The following CTTNBP2 variants were observed in gnomAD, a reference collection of about 807,000 sequenced individuals.
CTTNBP2 encodes the protein cortactin binding protein 2.
Under a neutral mutation model 156.9 loss-of-function variants are expected in CTTNBP2, and 108 were observed. The observed-to-expected ratio is 0.69, with a 90% CI of 0.59 to 0.81. CTTNBP2 has a LOEUF of 0.81. CTTNBP2 is among the 30% of genes least tolerant of loss of function. CTTNBP2 has a pLI of 0.00. For missense variants in CTTNBP2, 1,924 were observed against 2,035.4 expected (o/e 0.95, Z 1.05); for synonymous variants, 767 against 751.8 (o/e 1.02, Z -0.33).
intron 12 of CTTNBP2, among the ~76,000 whole-genome samples, chr7:117,753,048 T>G (rs1351841239): frequency 1.3e-5 from 2 of 152,088 alleles, no homozygotes; most frequent in Admixed American, 1.3e-4. Flanking sequence ...CTACAAGGAA[T>G]TTAAACAAAT....
chr7:117,853,655 T>C (rs1485065077), intron 2 of CTTNBP2, among the ~76,000 whole-genome samples: 1 of 152,180 alleles, frequency 6.6e-6, no homozygotes, highest in Non-Finnish European at 1.5e-5. Context: ...ATCTTCATAG[T>C]ATACAAAAAT....
At chr7:117,775,485 G>A (rs1237404345) in intron 8 of CTTNBP2, among the ~76,000 whole-genome samples, 1 of 151,502 alleles carries the variant, frequency 6.6e-6, no homozygotes, top group African/African-American at 2.4e-5. Context: ...GCCCTACACT[G>A]AAGGGTAACT....
chr7:117,735,439 A>G lies in CTTNBP2; in HGVS notation c.3536-18T>C. ...CAGACAAGCTATAATAAAAAAGGAA[A>G]TTCAGTGATTCAAGCTTTTGACAAA... On this transcript the variant is annotated intron_variant, in intron 14 of 22. Transcript: ENST00000160373. 1 of 1,580,470 alleles carries G rather than the reference A, an allele frequency of 6.3e-7. No individual in the cohort carries two copies. Among genetic ancestry groups the G allele is most frequent in the Non-Finnish European group, 8.5e-7 (1 of 1,169,668 alleles).
At chr7:117,824,798 T>A (rs1371165723) in intron 2 of CTTNBP2, among the ~76,000 whole-genome samples, 1 of 152,238 alleles carries the variant, frequency 6.6e-6, no homozygotes, top group Non-Finnish European at 1.5e-5. Context: ...TTCTTCAAAT[T>A]GTAAGACACA....
intron 17 of CTTNBP2, among the ~76,000 whole-genome samples, chr7:117,727,715 A>G (rs984077682): frequency 1.3e-5 from 2 of 152,206 alleles, no homozygotes; most frequent in Non-Finnish European, 2.9e-5. Flanking sequence ...TAAGTACTGA[A>G]CATATGTCTC....
chr7:117,719,522 A>C lies in CTTNBP2; in HGVS notation c.4626T>G (p.Ser1542=). The C allele has an allele frequency of 6.2e-7, 1 of 1,613,934 alleles. No homozygotes were observed. Among genetic ancestry groups the C allele is most frequent in the Non-Finnish European group, 8.5e-7 (1 of 1,179,854 alleles). ...KELQSMCSSK[S]ESDISKIADS... is the part of the protein sequence containing the mutation. ...TGCTCACCTTGCTGATATCAGACTC[A>C]GACTTGCTGGAGCACATGCTCTGAA... The change falls in exon 21 of 23, where the codon TCT becomes TCG. Residue 1542 remains serine (S), a synonymous_variant. Coordinates refer to ENST00000160373, the MANE Select transcript of CTTNBP2 (RefSeq NM_033427.3).
intron 14 of CTTNBP2, among the ~76,000 whole-genome samples, chr7:117,740,185 GA>G (rs1795916998): frequency 6.6e-6 from 1 of 151,810 alleles, no homozygotes; most frequent in Non-Finnish European, 1.5e-5. Context: ...ATTTATGCTA[GA>G]ATAAGTGCTG....
rs1304862794 is a variant in CTTNBP2 at position 117,760,634 on chromosome 7, A to G, written c.2973T>C (p.Cys991=). 4 of 1,613,966 alleles carry G rather than the reference A, an allele frequency of 2.5e-6. No individual in the cohort carries two copies. Among genetic ancestry groups the G allele is most frequent in the Admixed American group, 1.7e-5 (1 of 60,004 alleles). Residue 991 remains cysteine, a synonymous_variant, in exon 10 of 23, where the codon TGT becomes TGC. Coordinates refer to ENST00000160373, the MANE Select transcript of CTTNBP2 (RefSeq NM_033427.3). ...TATTTAAAGCACATATTGTGTTTTC[A>G]CATTCCAAGTCATCAGAACCATAGT... is the stretch of plus-strand genomic sequence containing the variant. ...PSNYGSDDLE[C]ENTICALNIR...
intron 3 of CTTNBP2, among the ~76,000 whole-genome samples, chr7:117,794,893 T>TTTC (rs1799229342): frequency 1.5e-5 from 2 of 136,634 alleles, no homozygotes; most frequent in African/African-American, 5.6e-5. Flanking sequence ...TTTTTTTTTT[T>TTTC]TTTTTTTTTT....
intron 4 of CTTNBP2, among the ~76,000 whole-genome samples, chr7:117,787,163 C>T (rs1166520858): frequency 3.9e-5 from 6 of 152,034 alleles, no homozygotes; most frequent in Admixed American, 3.9e-4. Flanking sequence ...CTGAAATTCC[C>T]GACAATCATA....
Position 117,784,422 on chromosome 7 carries a change from T to A in CTTNBP2, c.2101A>T (p.Ser701Cys). Residue 701 changes from serine (S) to cysteine (C), a missense_variant, in exon 5 of 23, where the codon AGT becomes TGT. Physicochemically the swap from Ser to Cys is moderately radical, Grantham distance 112. Coordinates refer to ENST00000160373, the MANE Select transcript of CTTNBP2 (RefSeq NM_033427.3). ...CCAGCCAGGGGGGCAGGACCACCAC[T>A]CATTAGCAAAGGGGTTAGGGAGGGT... ...WSPSLTPLLM[S>C]GGPAPLAGRP... 1.2e-6 allele frequency: 2 copies of A among 1,608,742 alleles called. No homozygotes were observed. The highest frequency in any genetic ancestry group is 1.7e-6 in the Non-Finnish European group (2 of 1,178,352).
In CTTNBP2 at chr7:117,721,424, G is replaced by C. The variant is rs536999007; in HGVS notation, c.4448-294C>G. Among the ~76,000 whole-genome samples, 5 of 152,310 alleles carry C rather than the reference G, an allele frequency of 3.3e-5. No homozygotes were observed. In the South Asian group the frequency reaches 1.0e-3, roughly 32 times the overall value. On this transcript the variant is annotated intron_variant, in intron 19 of 22. Coordinates refer to ENST00000160373, the MANE Select transcript of CTTNBP2 (RefSeq NM_033427.3). ...ATCCTGAATTTCACTTTTATGGATG[G>C]CCGTTCTTCTCTTTAGTCAAGTCCC... is the stretch of plus-strand genomic sequence containing the variant.
chr7:117,795,492 T>C (rs960858999), intron 3 of CTTNBP2, among the ~76,000 whole-genome samples: 1 of 152,220 alleles, frequency 6.6e-6, no homozygotes, highest in African/African-American at 2.4e-5. Context: ...CCTTCATTTT[T>C]ACAAAACAAT....
In CTTNBP2 at chr7:117,718,093, C is replaced by T; in HGVS notation, c.4671G>A (p.Arg1557=). ...GGTTGTTTCCAGAACTATCAAACAT[C>T]CTTAAATCATCCCTGGAATCAGCAA... ...SKIADSRDDL[R]MFDSSGNNPV... Residue 1557 remains arginine, a synonymous_variant, in exon 22 of 23, where the codon AGG becomes AGA. Transcript: ENST00000160373. 6.2e-7 allele frequency: 1 copy of T among 1,612,688 alleles called. No individual in the cohort carries two copies.
chr7:117,839,584 T>C (rs1199373441), intron 2 of CTTNBP2, among the ~76,000 whole-genome samples: 2 of 152,208 alleles, frequency 1.3e-5, no homozygotes, highest in Non-Finnish European at 2.9e-5. Context: ...AATTGATTCT[T>C]AGGAGCATTT....
At chr7:117,863,292 G>A (rs1803896383) in intron 1 of CTTNBP2, among the ~76,000 whole-genome samples, 1 of 152,190 alleles carries the variant, frequency 6.6e-6, no homozygotes, top group Admixed American at 6.5e-5. Context: ...AAGAGAAAAG[G>A]AAAATCTATA....
At chr7:117,772,618 C>T (rs1797856705) in intron 8 of CTTNBP2, among the ~76,000 whole-genome samples, 1 of 152,160 alleles carries the variant, frequency 6.6e-6, no homozygotes, top group African/African-American at 2.4e-5. Flanking sequence ...CAGGCATAAA[C>T]AGGGTTGTAC....
At chr7:117,866,329 GTGAT>G (rs1360512206) in intron 1 of CTTNBP2, among the ~76,000 whole-genome samples, 2 of 152,148 alleles carry the variant, frequency 1.3e-5, no homozygotes, top group Non-Finnish European at 1.5e-5. Flanking sequence ...CCAACCAACA[GTGAT>G]TGATTATCAG....
rs1298639361 is a variant in CTTNBP2, at chr7:117,817,361, A to ATATATATAT, written c.190-6373_190-6372insATATATATA. 9.0e-3 allele frequency among the ~76,000 whole-genome samples: 478 copies of ATATATATAT among 53,294 alleles called. 65 individuals carry two copies. The highest frequency in any genetic ancestry group is 0.032 in the East Asian group (53 of 1,642). The allele number at this position is 53,294 out of a possible 152,430, so 35.0% of individuals were successfully genotyped here. A position where few individuals can be genotyped will look rare whatever the true frequency, so the allele number is the denominator to read the frequency against. On this transcript the variant is annotated intron_variant, in intron 2 of 22. Transcript: ENST00000160373. ...AAAAAAAAAAAAAAAAAAAAAAAAAAATATATATATATATATATATATATA... is the reference window on the plus strand; with the variant it reads ...AAAAAAAAAAAAAAAAAAAAAAAAAATATATATATATATATATATATATATATATATATA...
Sources: gnomAD v4.1 joint callset for allele counts (sites outside exome capture counted in the v4.1 genomes callset) on GRCh38, gnomAD v4.1.1 for gene constraint, MANE v1.5 for transcripts, NCBI Gene and HGNC (gene_info 2026-07-23, HGNC 2026-07-21) for gene names.